EIF4ENIF1: variants seen among roughly 807,000 people sequenced by gnomAD.
EIF4ENIF1 encodes eukaryotic translation initiation factor 4E transporter.
A neutral mutation model predicts 110.5 loss-of-function variants in EIF4ENIF1; 23 were observed. The observed-to-expected ratio is 0.21, with a 90% CI of 0.15 to 0.29. EIF4ENIF1 has a LOEUF of 0.29. EIF4ENIF1 is among the 10% of genes least tolerant of loss of function. The pLI is 1.00. For missense variants in EIF4ENIF1, 1,031 were observed against 1,221.1 expected (o/e 0.84, Z 2.32); for synonymous variants, 440 against 437.0 (o/e 1.01, Z -0.09).
Position 31,463,942 on chromosome 22 carries a change from A to G in EIF4ENIF1, c.324T>C (p.Asp108=), listed in dbSNP as rs1189967937. ...GAGGGCTGAGAACAACATCTAAGTC[A>G]TCTTCTTTCACACGCTCTCGTGGAT... ...IVDPRERVKE[D]DLDVVLSPQR... The change falls in exon 5 of 19, where the codon GAT becomes GAC. Residue 108 remains aspartate (D), a synonymous_variant. Coordinates refer to ENST00000330125, the MANE Select transcript of EIF4ENIF1 (RefSeq NM_019843.4). The G allele has an allele frequency of 1.9e-6, 3 of 1,613,490 alleles. No homozygotes were observed. The highest frequency in any genetic ancestry group is 2.2e-5 in the East Asian group (1 of 44,878).
intron 4 of EIF4ENIF1, 94 bp from the exon 5 acceptor site, chr22:31,464,061 G>T: frequency 6.8e-7 from 1 of 1,470,838 alleles, no homozygotes; most frequent in Non-Finnish European, 9.0e-7. Context: ...GGAGGAAGGG[G>T]ATGGTTGGAA....
rs1447121850 is a variant in EIF4ENIF1, at chr22:31,443,087, G to A, written c.2081C>T (p.Pro694Leu). 1 of 1,613,756 alleles carries A rather than the reference G, an allele frequency of 6.2e-7. No individual in the cohort carries two copies. The highest frequency in any genetic ancestry group is 1.3e-5 in the African/African-American group (1 of 74,900). The change falls in exon 16 of 19, where the codon CCT (proline) becomes CTT (leucine). Residue 694 changes from proline to leucine, a missense_variant. Physicochemically the swap from Pro to Leu is moderately conservative, Grantham distance 98. Transcript: ENST00000330125. ...PAASITSMLS[P>L]SFTPTSVIRK... ...AATCACTGAGGTAGGGGTAAAGGAA[G>A]GAGAAAGCTGCAGAGAAAAACAATT...
At position 31,488,733 on chromosome 22, in the gene EIF4ENIF1, C is replaced by CA; in HGVS notation, c.-16dup. Reference sequence around the variant, plus strand: ...CTCCTATCCATGGCTCCTTGGTCTACAATGCTCTGCACCTGGAAGATAAAT... The same window carrying CA: ...CTCCTATCCATGGCTCCTTGGTCTACAAATGCTCTGCACCTGGAAGATAAAT... On this transcript the variant is annotated 5_prime_UTR_variant, in exon 2 of 19. Transcript: ENST00000330125. The CA allele has an allele frequency of 6.2e-7, 1 of 1,613,032 alleles. No homozygotes were observed. Among genetic ancestry groups the CA allele is most frequent in the Non-Finnish European group, 8.5e-7 (1 of 1,179,616 alleles).
At chr22:31,466,705 A>T (rs1209954017) in intron 4 of EIF4ENIF1, among the ~76,000 whole-genome samples, 1 of 152,018 alleles carries the variant, frequency 6.6e-6, no homozygotes, top group Non-Finnish European at 1.5e-5. Flanking sequence ...GGTGATAAAA[A>T]TGCTTATGTT....
chr22:31,440,889 G>A (rs745745743), intron 17 of EIF4ENIF1, 21 bp from the exon 18 acceptor site: 1 of 1,613,502 alleles, frequency 6.2e-7, no homozygotes, highest in Non-Finnish European at 8.5e-7. Flanking sequence ...GAAAAAGCAA[G>A]CAGCTGAGTA....
chr22:31,451,378 A>G (rs1328457184), intron 10 of EIF4ENIF1: 1 of 151,724 alleles, frequency 6.6e-6, no homozygotes, highest in Non-Finnish European at 1.5e-5. Context: ...GGTTCAAGCA[A>G]TTCTCCTGCC....
At chr22:31,446,873 G>C in intron 14 of EIF4ENIF1, 1 of 275,314 alleles carries the variant, frequency 3.6e-6, no homozygotes, top group Non-Finnish European at 7.8e-6. Flanking sequence ...ACCATTTGTT[G>C]CAACTATCGA....
intron 2 of EIF4ENIF1, among the ~76,000 whole-genome samples, chr22:31,475,651 A>C (rs1601633873): frequency 1.3e-5 from 2 of 149,924 alleles, no homozygotes; most frequent in East Asian, 3.9e-4. Flanking sequence ...ACCTGTAGGG[A>C]GGCTGAGGTT....
intron 2 of EIF4ENIF1, among the ~76,000 whole-genome samples, chr22:31,479,083 AATT>A (rs984575938): frequency 3.3e-5 from 5 of 151,556 alleles, no homozygotes; most frequent in South Asian, 2.1e-4. Flanking sequence ...TCTCGAAAGA[AATT>A]TTTTTTTTTT....
rs1203355229 is a variant in EIF4ENIF1 at position 31,489,829 on chromosome 22, C to T, written c.-163G>A. On this transcript the variant is annotated 5_prime_UTR_variant, in exon 1 of 19. Coordinates refer to ENST00000330125, the MANE Select transcript of EIF4ENIF1 (RefSeq NM_019843.4). ...CCGACCGGCTTGGGCTGTCTCTCTT[C>T]AGCCGCCGTAACTGCAGCCCGGCCC... 1 of 151,844 alleles carries T rather than the reference C, an allele frequency of 6.6e-6. No individual in the cohort carries two copies. The highest frequency in any genetic ancestry group is 1.5e-5 in the Non-Finnish European group (1 of 68,042). 9.4% of individuals were successfully genotyped at this position (151,844 alleles called of 1,614,324 possible).
upstream of EIF4ENIF1, among the ~76,000 whole-genome samples, chr22:31,491,995 T>C (rs561157951): frequency 1.3e-4 from 20 of 152,324 alleles, no homozygotes; most frequent in Admixed American, 1.2e-3. Context: ...TTCTGATCCA[T>C]TCAGCACCAG....
intron 2 of EIF4ENIF1, among the ~76,000 whole-genome samples, chr22:31,485,293 C>G (rs2051977070): frequency 6.6e-6 from 1 of 152,138 alleles, no homozygotes; most frequent in Non-Finnish European, 1.5e-5. Context: ...CTACGTATGA[C>G]AGAATTCTGA....
At chr22:31,473,064 T>C (rs2051443457) in intron 2 of EIF4ENIF1, among the ~76,000 whole-genome samples, 1 of 116,984 alleles carries the variant, frequency 8.5e-6, no homozygotes, top group African/African-American at 3.6e-5. Context: ...ATGAGCGAGC[T>C]TTTTTTTTTT....
upstream of EIF4ENIF1, among the ~76,000 whole-genome samples, chr22:31,492,638 C>T (rs1382990036): frequency 6.6e-6 from 1 of 152,236 alleles, no homozygotes; most frequent in African/African-American, 2.4e-5. Context: ...ACTTCTTTCA[C>T]CTGTGCCTGG....
At chr22:31,470,795 G>A (rs9621269) in intron 3 of EIF4ENIF1, among the ~76,000 whole-genome samples, 10,946 of 148,010 alleles carry the variant, frequency 0.074, 683 homozygotes, top group East Asian at 0.35. Context: ...CAAACCTCTC[G>A]CTTTGGCCTC....
Position 31,440,133 on chromosome 22 carries a change from A to C in EIF4ENIF1, c.2717-12T>G. ...TGGAGGATGCAGAACTGTGGAGATA[A>C]GAAGGGTTATCATTCACAGCATGAG... On this transcript the variant is annotated splice_polypyrimidine_tract_variant and intron_variant, in intron 18 of 18. Coordinates refer to ENST00000330125, the MANE Select transcript of EIF4ENIF1 (RefSeq NM_019843.4). 6.2e-7 allele frequency: 1 copy of C among 1,614,148 alleles called. No individual in the cohort carries two copies. Among genetic ancestry groups the C allele is most frequent in the Non-Finnish European group, 8.5e-7 (1 of 1,180,004 alleles).
chr22:31,472,795 C>G (rs1485260868), intron 2 of EIF4ENIF1, among the ~76,000 whole-genome samples: 1 of 152,116 alleles, frequency 6.6e-6, no homozygotes, highest in Non-Finnish European at 1.5e-5. Flanking sequence ...TCAATTACCT[C>G]AAGTATTTAT....
intron 2 of EIF4ENIF1, among the ~76,000 whole-genome samples, chr22:31,474,814 G>A (rs1267982694): frequency 6.6e-6 from 1 of 151,956 alleles, no homozygotes; most frequent in Non-Finnish European, 1.5e-5. Flanking sequence ...AAGCAATTCC[G>A]AAACTTTCAG....
At chr22:31,483,815 C>G (rs1409366816) in intron 2 of EIF4ENIF1, among the ~76,000 whole-genome samples, 1 of 152,144 alleles carries the variant, frequency 6.6e-6, no homozygotes, top group Non-Finnish European at 1.5e-5. Context: ...TTAGATACTA[C>G]CAAAATATAG....
Sources: allele counts gnomAD v4.1 joint callset (sites outside exome capture counted in the v4.1 genomes callset), GRCh38; gene constraint gnomAD v4.1.1; transcripts MANE v1.5; gene names NCBI Gene and HGNC (gene_info 2026-07-23, HGNC 2026-07-21).